CDH23: variants seen among roughly 807,000 people sequenced by gnomAD.
CDH23 encodes the protein cadherin-23.
CDH23 carries 189 observed loss-of-function variants against 317.1 expected under a neutral mutation model. That is an observed-to-expected ratio of 0.60 (90% confidence interval 0.53 to 0.67). The LOEUF (loss-of-function observed/expected upper bound fraction) is 0.67. Among genes scored for constraint, CDH23 ranks in the 30% least tolerant of loss-of-function variants. The pLI is 0.00. For missense variants in CDH23, 4,401 were observed against 4,592.4 expected, an observed-to-expected ratio of 0.96 and a Z score of 1.20; for synonymous variants, 1,839 against 1,876.8, an observed-to-expected ratio of 0.98 and a Z score of 0.52.
intron 28 of CDH23, chr10:71,715,062 G>A (rs1355834428): frequency 1.3e-5 from 2 of 152,266 alleles, no homozygotes. Context: ...TCCTGGAGAG[G>A]TCCAGACCAT....
At chr10:71,685,606 A>C (rs11596012) in intron 18 of CDH23, among the ~76,000 whole-genome samples, 26,207 of 152,204 alleles carry the variant, frequency 0.17, 2,345 homozygotes, top group Non-Finnish European at 0.2. Flanking sequence ...ACAGTGGCCT[A>C]GTAGAAGAGG....
At chr10:71,418,737 A>G (rs1283193881) in intron 1 of CDH23, among the ~76,000 whole-genome samples, 1 of 152,150 alleles carries the variant, frequency 6.6e-6, no homozygotes, top group Non-Finnish European at 1.5e-5. Context: ...CCAATTTTCT[A>G]GTCTCATGGA....
At chr10:71,667,375 T>TGA (rs1863953446) in intron 14 of CDH23, among the ~76,000 whole-genome samples, 1 of 148,890 alleles carries the variant, frequency 6.7e-6, no homozygotes, top group African/African-American at 2.5e-5. Flanking sequence ...TGTGTGTGTG[T>TGA]GTGTGTGTGT....
intron 26 of CDH23, among the ~76,000 whole-genome samples, chr10:71,707,923 G>A (rs751515400): frequency 1.3e-5 from 2 of 152,068 alleles, no homozygotes; most frequent in African/African-American, 2.4e-5. Context: ...GCTTTGCTGC[G>A]GCCAACGTGA....
chr10:71,635,697 G>T lies in CDH23; in HGVS notation c.1135-8164G>T, dbSNP rs550413978. On this transcript the variant is annotated intron_variant, in intron 11 of 69. Coordinates refer to ENST00000224721, the MANE Select transcript of CDH23 (RefSeq NM_022124.6). ...AAGAGGAAGGTGAGAGGGCAAGAAG[G>T]GGGGAGGAAAGAGAAAGGAGAAGAG... 2.0e-5 allele frequency among the ~76,000 whole-genome samples: 3 copies of T among 152,072 alleles called. 1 individual carries two copies. The South Asian group carries it at 6.2e-4, about 32-fold the overall frequency.
chr10:71,581,242 A>G (rs1475311594), intron 9 of CDH23, among the ~76,000 whole-genome samples: 2 of 152,266 alleles, frequency 1.3e-5, no homozygotes, highest in African/African-American at 4.8e-5. Flanking sequence ...CTAGCTGCTC[A>G]GGAACCATTT....
intron 6 of CDH23, among the ~76,000 whole-genome samples, chr10:71,552,125 T>C (rs1440015667): frequency 6.6e-6 from 1 of 152,248 alleles, no homozygotes; most frequent in Non-Finnish European, 1.5e-5. Flanking sequence ...TCATTACTGC[T>C]AGGCCCACAG....
At chr10:71,727,600 CG>C (rs2132811808) in intron 30 of CDH23, among the ~76,000 whole-genome samples, 1 of 152,270 alleles carries the variant, frequency 6.6e-6, no homozygotes, top group East Asian at 1.9e-4. Flanking sequence ...AGTGAGGGGC[CG>C]GGGAGTACAG....
chr10:71,457,078 T>G (rs1850732535), intron 3 of CDH23, among the ~76,000 whole-genome samples: 1 of 152,136 alleles, frequency 6.6e-6, no homozygotes, highest in African/African-American at 2.4e-5. Flanking sequence ...AGGAAGAAAC[T>G]CATCCTGGGC....
intron 18 of CDH23, among the ~76,000 whole-genome samples, chr10:71,687,130 C>T (rs1225334101): frequency 2.0e-5 from 3 of 152,210 alleles, no homozygotes; most frequent in Non-Finnish European, 2.9e-5. Flanking sequence ...CTGTACCTGC[C>T]AGCAGCCAGC....
chr10:71,548,981 G>A (rs185935522), intron 6 of CDH23, among the ~76,000 whole-genome samples: 5 of 152,356 alleles, frequency 3.3e-5, no homozygotes, highest in African/African-American at 7.2e-5. Context: ...AAGAGCAAGC[G>A]TAATTAGTAC....
chr10:71,611,874 C>T (rs1330920877), intron 9 of CDH23, among the ~76,000 whole-genome samples: 2 of 152,166 alleles, frequency 1.3e-5, no homozygotes, highest in South Asian at 2.1e-4. Context: ...TTTTCTTTAC[C>T]GATTCTCCAA....
At chr10:71,482,827 G>A (rs1191077587) in intron 3 of CDH23, among the ~76,000 whole-genome samples, 2 of 152,210 alleles carry the variant, frequency 1.3e-5, no homozygotes, top group Non-Finnish European at 2.9e-5. Context: ...TACAACATTT[G>A]GGGCATTGCA....
intron 3 of CDH23, among the ~76,000 whole-genome samples, chr10:71,499,666 C>A (rs1035319864): frequency 6.6e-6 from 1 of 151,996 alleles, no homozygotes; most frequent in Admixed American, 6.6e-5. Flanking sequence ...ATGGAGAAAC[C>A]TCGTCTCTAC....
At position 71,811,770 on chromosome 10, in the gene CDH23, G is replaced by C; in HGVS notation, c.9319+17G>C. ...GCTCAGCTGGTAAGTGAGGGCCATAGTGGGGACACAGGTGAGAAGGCAGTG... is the reference window on the plus strand; with the variant it reads ...GCTCAGCTGGTAAGTGAGGGCCATACTGGGGACACAGGTGAGAAGGCAGTG... On this transcript the variant is annotated intron_variant, in intron 65 of 69. Transcript: ENST00000224721. The C allele has an allele frequency of 6.4e-7, 1 of 1,565,304 alleles. No individual in the cohort carries two copies. Among genetic ancestry groups the C allele is most frequent in the Non-Finnish European group, 8.7e-7 (1 of 1,155,268 alleles).
chr10:71,693,482 T>C (rs1865260310), intron 20 of CDH23, among the ~76,000 whole-genome samples: 1 of 152,204 alleles, frequency 6.6e-6, no homozygotes, highest in Admixed American at 6.5e-5. Context: ...AATTAGGAAA[T>C]TATTTTATAA....
At chr10:71,657,171 TG>T (rs1195567013) in intron 14 of CDH23, among the ~76,000 whole-genome samples, 1 of 152,142 alleles carries the variant, frequency 6.6e-6, no homozygotes, top group Non-Finnish European at 1.5e-5. Flanking sequence ...GAATGTCAAG[TG>T]GAAAGGGCTG....
intron 3 of CDH23, among the ~76,000 whole-genome samples, chr10:71,468,258 C>G (rs1006254801): frequency 2.0e-5 from 3 of 152,216 alleles, no homozygotes; most frequent in African/African-American, 7.2e-5. Flanking sequence ...GCCCTTAAGC[C>G]AAATCCTTAA....
intron 38 of CDH23, chr10:71,761,552 G>A (rs773548979): frequency 1.3e-6 from 2 of 1,501,718 alleles, no homozygotes; most frequent in South Asian, 2.6e-5. Flanking sequence ...CATCAGACAG[G>A]CAGCCCTCCA....
Sources: gnomAD v4.1 joint callset for allele counts (sites outside exome capture counted in the v4.1 genomes callset) on GRCh38, gnomAD v4.1.1 for gene constraint, MANE v1.5 for transcripts, NCBI Gene and HGNC (gene_info 2026-07-23, HGNC 2026-07-21) for gene names.